AKAP9: variants seen among roughly 807,000 people sequenced by gnomAD.
AKAP9 encodes A-kinase anchor protein 9.
AKAP9 carries 311 observed loss-of-function variants against 488.5 expected under a neutral mutation model. The ratio of observed to expected loss-of-function variants is 0.64; its 90% CI spans 0.58 to 0.70. AKAP9 has a LOEUF of 0.70. AKAP9 is among the 30% of genes least tolerant of loss of function. The pLI is 0.00. For synonymous variants in AKAP9, 1,462 were observed against 1,483.5 expected (o/e 0.99, Z 0.33); for missense variants, 4,215 against 4,374.5 (o/e 0.96, Z 1.03).
At chr7:92,071,554 A>G (rs555974532) in intron 28 of AKAP9, among the ~76,000 whole-genome samples, 1 of 152,112 alleles carries the variant, frequency 6.6e-6, no homozygotes, top group African/African-American at 2.4e-5. Context: ...CTTCCAAAAA[A>G]CTAAAAATCT....
chr7:92,066,333 C>A, intron 25 of AKAP9, 94 bp from the exon 26 acceptor site: 1 of 1,495,280 alleles, frequency 6.7e-7, no homozygotes, highest in Non-Finnish European at 9.2e-7. Context: ...TGTCTTCAAA[C>A]AAAACTAACA....
At chr7:92,071,356 T>C (rs1811699962) in intron 28 of AKAP9, among the ~76,000 whole-genome samples, 1 of 151,170 alleles carries the variant, frequency 6.6e-6, no homozygotes, top group African/African-American at 2.4e-5. Flanking sequence ...AACCGTAGAA[T>C]ACATATTGAA....
intron 38 of AKAP9, chr7:92,090,621 C>CAAAAAAAAAAAAAAAAAAAAAAAAAA (rs71107852): frequency 9.0e-6 from 1 of 111,526 alleles, no homozygotes. Context: ...GACTCCATCT[C>CAAAAAAAAAAAAAAAAAAAAAAAAAA]AAAAAAAAAA....
At chr7:92,003,979 T>G (rs2130674269) in intron 8 of AKAP9, among the ~76,000 whole-genome samples, 1 of 152,296 alleles carries the variant, frequency 6.6e-6, no homozygotes, top group African/African-American at 2.4e-5. Flanking sequence ...ACGAATATAG[T>G]GGCCAACAAG....
In AKAP9 at chr7:92,015,760, C is replaced by T. The variant is rs1183215095; in HGVS notation, c.3613-369C>T. On this transcript the variant is annotated intron_variant, in intron 10 of 49. Coordinates refer to ENST00000356239, the MANE Select transcript of AKAP9 (RefSeq NM_005751.5). ...TTTCTTTCTGATCAGCATTTCTGAACGTCCATCCTTGTCCTGTGATGTTTT... is the reference window on the plus strand; with the variant it reads ...TTTCTTTCTGATCAGCATTTCTGAATGTCCATCCTTGTCCTGTGATGTTTT... Among the ~76,000 whole-genome samples the T allele has an allele frequency of 9.9e-5, 15 of 152,066 alleles. No individual in the cohort carries two copies. In the South Asian group the frequency reaches 3.1e-3, roughly 31 times the overall value.
chr7:91,972,908 T>G (rs191031920), intron 1 of AKAP9, among the ~76,000 whole-genome samples: 1 of 150,284 alleles, frequency 6.7e-6, no homozygotes, highest in Non-Finnish European at 1.5e-5. Context: ...TTATTTCCAG[T>G]TTTTTTTCCC....
intron 14 of AKAP9, among the ~76,000 whole-genome samples, chr7:92,029,018 A>G (rs1803781367): frequency 6.6e-6 from 1 of 152,146 alleles, no homozygotes; most frequent in Non-Finnish European, 1.5e-5. Context: ...AAAGAAGGTT[A>G]TGTGGACAAG....
chr7:91,960,155 C>CA (rs1256664684), intron 1 of AKAP9, among the ~76,000 whole-genome samples: 1 of 151,898 alleles, frequency 6.6e-6, no homozygotes, highest in Non-Finnish European at 1.5e-5. Flanking sequence ...ACAGCAAAAA[C>CA]AAAAAACAGC....
chr7:91,966,782 T>A (rs1794487170), intron 1 of AKAP9, among the ~76,000 whole-genome samples: 1 of 152,232 alleles, frequency 6.6e-6, no homozygotes, highest in Non-Finnish European at 1.5e-5. Context: ...TGCTTCCAGC[T>A]TTGTTCTTTT....
chr7:91,968,048 C>T (rs905793563), intron 1 of AKAP9, among the ~76,000 whole-genome samples: 1 of 152,120 alleles, frequency 6.6e-6, no homozygotes, highest in African/African-American at 2.4e-5. Flanking sequence ...AGCCGTCTTC[C>T]CATGTCAGCC....
At chr7:91,993,183 T>A in intron 5 of AKAP9, 128 bp downstream of exon 5, 1 of 969,208 alleles carries the variant, frequency 1.0e-6, no homozygotes, top group Non-Finnish European at 1.5e-6. Context: ...TCTTTTCTTC[T>A]TCTTCTTCTT....
chr7:92,018,326 A>G (rs1474463931), intron 12 of AKAP9, among the ~76,000 whole-genome samples: 1 of 150,228 alleles, frequency 6.7e-6, no homozygotes, highest in Non-Finnish European at 1.5e-5. Context: ...TTGAGGCTGC[A>G]TGAGCTATGA....
chr7:92,011,211 A>C (rs180871397), intron 8 of AKAP9, among the ~76,000 whole-genome samples: 51 of 152,348 alleles, frequency 3.3e-4, no homozygotes, highest in Non-Finnish European at 5.9e-4. Flanking sequence ...ACCCACTTTC[A>C]ACATCACTAT....
In AKAP9 at chr7:92,012,973, A is replaced by ATTTTTTTT. The variant is rs749688986; in HGVS notation, c.3532+360_3532+367dup. ...GGTGGTAGACAGTGGTGGGGTTGGA[A>ATTTTTTTT]TTTTTTTTTTTTTTTTTTTTTTTTT... is the stretch of plus-strand genomic sequence containing the variant. On this transcript the variant is annotated intron_variant, in intron 9 of 49. Transcript: ENST00000356239. Among the ~76,000 whole-genome samples the ATTTTTTTT allele has an allele frequency of 5.1e-4, 31 of 60,752 alleles. 6 individuals are homozygous for ATTTTTTTT. The highest frequency in any genetic ancestry group is 2.7e-3 in the East Asian group (4 of 1,468). 39.9% of individuals were successfully genotyped at this position (60,752 alleles called of 152,430 possible).
chr7:92,020,940 G>C (rs1410540110), intron 12 of AKAP9, among the ~76,000 whole-genome samples: 1 of 152,090 alleles, frequency 6.6e-6, no homozygotes, highest in African/African-American at 2.4e-5. Flanking sequence ...AGTATCCTTT[G>C]TTCATCTGGT....
chr7:92,050,103 C>A, intron 21 of AKAP9, among the ~76,000 whole-genome samples: 1 of 142,852 alleles, frequency 7.0e-6, no homozygotes, highest in African/African-American at 2.6e-5. Flanking sequence ...TTTGCTCTAT[C>A]GCCCAGGCGG....
intron 33 of AKAP9, among the ~76,000 whole-genome samples, chr7:92,084,183 T>C (rs919300734): frequency 2.6e-5 from 4 of 152,348 alleles, no homozygotes. Flanking sequence ...TACATAGTAT[T>C]CCATGGTGTA....
At chr7:92,050,135 G>A (rs888464623) in intron 21 of AKAP9, among the ~76,000 whole-genome samples, 4 of 150,916 alleles carry the variant, frequency 2.7e-5, no homozygotes, top group East Asian at 1.9e-4. Context: ...TGCAATCTTG[G>A]CTCACTGCAA....
At chr7:92,032,586 A>T (rs1265836938) in intron 16 of AKAP9, among the ~76,000 whole-genome samples, 1 of 152,146 alleles carries the variant, frequency 6.6e-6, no homozygotes, top group Non-Finnish European at 1.5e-5. Flanking sequence ...TCTTAATATA[A>T]CAATCCCAAT....
Sources: gnomAD v4.1 joint callset for allele counts (sites outside exome capture counted in the v4.1 genomes callset) on GRCh38, gnomAD v4.1.1 for gene constraint, MANE v1.5 for transcripts, NCBI Gene and HGNC (gene_info 2026-07-23, HGNC 2026-07-21) for gene names.